The following ATP2B2 variants were observed in gnomAD, a reference collection of about 807,000 sequenced individuals.
The protein encoded by ATP2B2 is plasma membrane calcium-transporting ATPase 2.
In ATP2B2, 15 loss-of-function variants were observed where a neutral mutation model predicts 120.0. The observed-to-expected ratio is 0.12, with a 90% CI of 0.08 to 0.19. The LOEUF (loss-of-function observed/expected upper bound fraction) is 0.19, where lower values mean the gene tolerates loss of function less well. Ranked by LOEUF, ATP2B2 falls within the 10% of genes least tolerant of loss-of-function variation. ATP2B2 has a pLI of 1.00. For missense variants in ATP2B2, 1,045 were observed against 1,719.8 expected (o/e 0.61, Z 6.94); for synonymous variants, 694 against 700.3 (o/e 0.99, Z 0.14).
At chr3:10,587,223 TG>T (rs1182234706) in intron 2 of ATP2B2, among the ~76,000 whole-genome samples, 4 of 152,052 alleles carry the variant, frequency 2.6e-5, no homozygotes, top group African/African-American at 9.7e-5. Context: ...GAGAACCAGC[TG>T]AGCCCAGGAG....
chr3:10,331,684 C>T (rs1331475645), intron 22 of ATP2B2, among the ~76,000 whole-genome samples: 1 of 150,080 alleles, frequency 6.7e-6, no homozygotes, highest in Non-Finnish European at 1.5e-5. Context: ...TCTTCCATCT[C>T]CCCTCCCTGC....
intron 1 of ATP2B2, among the ~76,000 whole-genome samples, chr3:10,486,863 G>A (rs1047128697): frequency 2.0e-5 from 3 of 152,022 alleles, no homozygotes; most frequent in African/African-American, 4.8e-5. Context: ...GGGACTACAG[G>A]TGCGAGCCAC....
At chr3:10,419,347 TATG>T (rs1300977744) in intron 2 of ATP2B2, among the ~76,000 whole-genome samples, 4 of 152,238 alleles carry the variant, frequency 2.6e-5, no homozygotes, top group African/African-American at 9.6e-5. Flanking sequence ...GGATTGGGAA[TATG>T]ATGTGTGGAA....
intron 2 of ATP2B2, among the ~76,000 whole-genome samples, chr3:10,417,076 G>T (rs1290591149): frequency 3.6e-5 from 5 of 139,526 alleles, no homozygotes; most frequent in Non-Finnish European, 6.0e-5. Context: ...CGGCGGGGGG[G>T]GGCGGGCAGA....
At chr3:10,606,897 A>ACACACACGCG (rs1263000528) in intron 2 of ATP2B2, among the ~76,000 whole-genome samples, 2 of 30,912 alleles carry the variant, frequency 6.5e-5, no homozygotes, top group Non-Finnish European at 1.5e-4. Context: ...ACACACACAC[A>ACACACACGCG]CACACACACA....
intron 3 of ATP2B2, among the ~76,000 whole-genome samples, chr3:10,405,738 G>C (rs2062389350): frequency 6.6e-6 from 1 of 152,192 alleles, no homozygotes; most frequent in Non-Finnish European, 1.5e-5. Flanking sequence ...CTTCGGGCCT[G>C]TCTGCATGTT....
chr3:10,359,605 A>C (rs2060838503), intron 13 of ATP2B2, among the ~76,000 whole-genome samples: 1 of 152,236 alleles, frequency 6.6e-6, no homozygotes, highest in East Asian at 1.9e-4. Context: ...CTGATGAACC[A>C]GCGGCTTAGG....
chr3:10,491,143 C>T (rs538389517), intron 1 of ATP2B2, among the ~76,000 whole-genome samples: 1 of 151,978 alleles, frequency 6.6e-6, no homozygotes, highest in South Asian at 2.1e-4. Flanking sequence ...GGCACACCTT[C>T]CACAGGGAAG....
chr3:10,378,511 C>G (rs2061440548), intron 9 of ATP2B2, 101 bp from the exon 10 acceptor site: 1 of 1,504,294 alleles, frequency 6.6e-7, no homozygotes, highest in Admixed American at 1.8e-5. Context: ...CCTGCCTGCC[C>G]AGGGTAGGTG....
intron 2 of ATP2B2, among the ~76,000 whole-genome samples, chr3:10,603,650 G>A (rs1406732697): frequency 1.3e-5 from 2 of 152,118 alleles, no homozygotes; most frequent in East Asian, 3.9e-4. Flanking sequence ...TGGGGCCCCG[G>A]TAACCCAGCT....
At chr3:10,479,471 T>G (rs1052906738) in intron 1 of ATP2B2, among the ~76,000 whole-genome samples, 6 of 152,044 alleles carry the variant, frequency 3.9e-5, no homozygotes, top group African/African-American at 1.4e-4. Context: ...TCTGATTTAC[T>G]TACGAAATCA....
intron 14 of ATP2B2, among the ~76,000 whole-genome samples, chr3:10,351,479 T>A (rs935461230): frequency 6.6e-6 from 1 of 152,070 alleles, no homozygotes; most frequent in African/African-American, 2.4e-5. Flanking sequence ...CCTGTTAGAA[T>A]CTCCAGCCTG....
At chr3:10,377,266 C>A (rs80170679) in intron 10 of ATP2B2, among the ~76,000 whole-genome samples, 1,557 of 152,282 alleles carry the variant, frequency 0.01, 22 homozygotes, top group African/African-American at 0.034. Flanking sequence ...TAGCTCTCCA[C>A]CCCCACCTCC....
At chr3:10,603,025 T>G (rs2125594669) in intron 2 of ATP2B2, among the ~76,000 whole-genome samples, 1 of 152,340 alleles carries the variant, frequency 6.6e-6, no homozygotes, top group African/African-American at 2.4e-5. Flanking sequence ...GAAGCCCTAT[T>G]TAAGGCCATC....
chr3:10,545,387 G>A (rs2067522906), intron 2 of ATP2B2, among the ~76,000 whole-genome samples: 1 of 152,090 alleles, frequency 6.6e-6, no homozygotes, highest in African/African-American at 2.4e-5. Flanking sequence ...AAATTAGCCG[G>A]GCATGATGGT....
intron 2 of ATP2B2, among the ~76,000 whole-genome samples, chr3:10,547,784 A>G (rs1454347012): frequency 2.0e-5 from 3 of 152,230 alleles, no homozygotes; most frequent in Non-Finnish European, 4.4e-5. Flanking sequence ...AGTCCCTTGT[A>G]AGGCAAAATC....
intron 2 of ATP2B2, among the ~76,000 whole-genome samples, chr3:10,416,741 G>C (rs943700597): frequency 6.6e-6 from 1 of 152,056 alleles, no homozygotes; most frequent in Non-Finnish European, 1.5e-5. Context: ...TTTATGAGAG[G>C]GAAGGACTTT....
chr3:10,645,566 G>A (rs2070301642), intron 1 of ATP2B2, among the ~76,000 whole-genome samples: 1 of 152,294 alleles, frequency 6.6e-6, no homozygotes, highest in South Asian at 2.1e-4. Flanking sequence ...TCTGGTTAAA[G>A]GACACAGGAG....
chr3:10,667,796 C>A (rs1002190482), intron 1 of ATP2B2, among the ~76,000 whole-genome samples: 14 of 152,210 alleles, frequency 9.2e-5, no homozygotes, highest in Non-Finnish European at 1.2e-4. Flanking sequence ...GGGAGACAGG[C>A]AGACACGAAC....
Sources: gnomAD v4.1 joint callset for allele counts (sites outside exome capture counted in the v4.1 genomes callset) on GRCh38, gnomAD v4.1.1 for gene constraint, MANE v1.5 for transcripts, NCBI Gene and HGNC (gene_info 2026-07-23, HGNC 2026-07-21) for gene names.